PTGER3: variants seen among roughly 807,000 people sequenced by gnomAD.
PTGER3 encodes the protein prostaglandin E receptor 3.
PTGER3 carries 22 observed loss-of-function variants against 34.7 expected under a neutral mutation model. The observed-to-expected ratio is 0.63, with a 90% CI of 0.45 to 0.91. The LOEUF (loss-of-function observed/expected upper bound fraction) is 0.91. Ranked by LOEUF, PTGER3 falls within the 40% of genes least tolerant of loss-of-function variation. The pLI is 0.00. For missense variants in PTGER3, 468 were observed against 519.4 expected (o/e 0.90, Z 0.96); for synonymous variants, 241 against 230.1 (o/e 1.05, Z -0.43).
At chr1:70,894,173 GT>G (rs1646676522) in intron 4 of PTGER3, among the ~76,000 whole-genome samples, 2 of 151,884 alleles carry the variant, frequency 1.3e-5, no homozygotes, top group African/African-American at 4.8e-5. Context: ...GCCGGGCGTG[GT>G]GGTGGGCACC....
At chr1:71,038,938 C>T (rs1660052349) in intron 1 of PTGER3, among the ~76,000 whole-genome samples, 1 of 152,170 alleles carries the variant, frequency 6.6e-6, no homozygotes, top group African/African-American at 2.4e-5. Flanking sequence ...TGATCCTAGA[C>T]AACAGTTAGA....
chr1:71,040,603 G>A (rs1409842264), intron 1 of PTGER3, among the ~76,000 whole-genome samples: 1 of 151,676 alleles, frequency 6.6e-6, no homozygotes, highest in Admixed American at 6.6e-5. Context: ...GCGAGACTTT[G>A]TCTCAAAAGA....
At chr1:71,027,796 C>T (rs1242866896) in intron 1 of PTGER3, among the ~76,000 whole-genome samples, 1 of 152,126 alleles carries the variant, frequency 6.6e-6, no homozygotes, top group African/African-American at 2.4e-5. Context: ...AATGTTACAT[C>T]AGCATGTAGT....
chr1:71,009,300 G>C, intron 2 of PTGER3: 1 of 983,430 alleles, frequency 1.0e-6, no homozygotes, highest in Non-Finnish European at 1.2e-6. Context: ...CAACATGGTC[G>C]GATATTTCAT....
intron 4 of PTGER3, among the ~76,000 whole-genome samples, chr1:70,874,535 A>C (rs931741851): frequency 2.6e-5 from 4 of 151,964 alleles, no homozygotes; most frequent in African/African-American, 9.7e-5. Flanking sequence ...TGTGTTCTAA[A>C]TATTACTTCT....
intron 2 of PTGER3, among the ~76,000 whole-genome samples, chr1:70,981,384 TTTCTTTCTTTCCTTCCTTCC>T (rs1219097104): frequency 0.052 from 2,475 of 47,434 alleles, 37 homozygotes; most frequent in East Asian, 0.12. Context: ...TCTTTCTTTC[TTTCTTTCTTTCCTTCCTTCC>T]TTCCTTCCTT....
At chr1:70,889,405 ACTC>A (rs1322477915) in intron 4 of PTGER3, among the ~76,000 whole-genome samples, 1 of 121,310 alleles carries the variant, frequency 8.2e-6, no homozygotes, top group African/African-American at 3.3e-5. Context: ...ACAGAGCGAG[ACTC>A]CATCTCAAAA....
chr1:71,004,950 A>C (rs1656813527), intron 2 of PTGER3, among the ~76,000 whole-genome samples: 1 of 152,106 alleles, frequency 6.6e-6, no homozygotes, highest in Non-Finnish European at 1.5e-5. Context: ...AGATGGCCTC[A>C]CCCCTCAAAC....
intron 2 of PTGER3, chr1:71,010,916 C>T (rs1243884657): frequency 1.0e-6 from 1 of 984,930 alleles, no homozygotes; most frequent in Non-Finnish European, 1.2e-6. Flanking sequence ...GCAGTTACTA[C>T]AAGAAGTATA....
intron 4 of PTGER3, among the ~76,000 whole-genome samples, chr1:70,930,267 T>C (rs1422421785): frequency 6.6e-6 from 1 of 152,218 alleles, no homozygotes; most frequent in African/African-American, 2.4e-5. Flanking sequence ...GACTCCCCAG[T>C]GGCAGGGCTG....
In PTGER3 at chr1:70,905,097, C is replaced by T. The variant is rs1320661038; in HGVS notation, c.*23+48666G>A. ...CTGTGGTTTCAGAGGGTACAAGCTC[C>T]AAGCCTTAGCAGCTTCCACATGGTG... On this transcript the variant is annotated intron_variant, in intron 4 of 4. Transcript: ENST00000370931. Among the ~76,000 whole-genome samples, 3 of 152,156 alleles carry T rather than the reference C, an allele frequency of 2.0e-5. No individual in the cohort carries two copies. The East Asian group carries it at 5.8e-4, about 29-fold the overall frequency.
intron 2 of PTGER3, among the ~76,000 whole-genome samples, chr1:70,979,081 G>A (rs558804422): frequency 7.2e-5 from 11 of 152,138 alleles, no homozygotes; most frequent in Admixed American, 7.2e-4. Flanking sequence ...AACTGAGCAG[G>A]GTTAAAAGAC....
chr1:71,021,096 G>T (rs1250272729), intron 1 of PTGER3, among the ~76,000 whole-genome samples: 1 of 152,020 alleles, frequency 6.6e-6, no homozygotes, highest in Non-Finnish European at 1.5e-5. Context: ...ATACGACAAA[G>T]AAATAAATGA....
At chr1:70,988,258 A>G (rs1655107766) in intron 2 of PTGER3, among the ~76,000 whole-genome samples, 1 of 152,202 alleles carries the variant, frequency 6.6e-6, no homozygotes, top group Non-Finnish European at 1.5e-5. Context: ...AATAACCCAT[A>G]GGAAGTTTTA....
intron 1 of PTGER3, among the ~76,000 whole-genome samples, chr1:71,045,934 G>A (rs1323331040): frequency 1.3e-5 from 2 of 151,824 alleles, no homozygotes; most frequent in Non-Finnish European, 2.9e-5. Context: ...GCTGCAGGAG[G>A]GCTGTGACTG....
chr1:70,940,043 A>C (rs1649613943), intron 4 of PTGER3, among the ~76,000 whole-genome samples: 1 of 152,280 alleles, frequency 6.6e-6, no homozygotes, highest in South Asian at 2.1e-4. Flanking sequence ...ATGGCTTTTA[A>C]CAGTATCCAA....
chr1:70,855,354 AG>A (rs1196417056), intron 4 of PTGER3, among the ~76,000 whole-genome samples: 2 of 152,160 alleles, frequency 1.3e-5, no homozygotes, highest in Admixed American at 6.5e-5. Flanking sequence ...ATGGGTATAG[AG>A]TTTCAGTTTT....
intron 4 of PTGER3, among the ~76,000 whole-genome samples, chr1:70,906,404 C>G (rs562317517): frequency 4.4e-4 from 67 of 152,266 alleles, no homozygotes; most frequent in African/African-American, 1.5e-3. Context: ...TGCCTACATT[C>G]TACCACAGAA....
At chr1:70,895,171 AC>A (rs1226819284) in intron 4 of PTGER3, among the ~76,000 whole-genome samples, 1 of 152,224 alleles carries the variant, frequency 6.6e-6, no homozygotes, top group Non-Finnish European at 1.5e-5. Flanking sequence ...AGGAGAAATT[AC>A]AAATAATATT....
Sources: gnomAD v4.1 joint callset for allele counts (sites outside exome capture counted in the v4.1 genomes callset) on GRCh38, gnomAD v4.1.1 for gene constraint, MANE v1.5 for transcripts, NCBI Gene and HGNC (gene_info 2026-07-23, HGNC 2026-07-21) for gene names.